The following GPC5 variants were observed in gnomAD, a reference collection of about 807,000 sequenced individuals.
The protein encoded by GPC5 is glypican 5, also known as glypican-5.
Under a neutral mutation model 53.9 loss-of-function variants are expected in GPC5, and 47 were observed. That is an observed-to-expected ratio of 0.87 (90% CI 0.69 to 1.11). The LOEUF (loss-of-function observed/expected upper bound fraction) is 1.11. Ranked by LOEUF, GPC5 falls within the 50% of genes most tolerant of loss-of-function variation. The pLI is 0.00. For missense variants in GPC5, 748 were observed against 713.1 expected, an observed-to-expected ratio of 1.05 and a Z score of -0.56; for synonymous variants, 286 against 263.3, an observed-to-expected ratio of 1.09 and a Z score of -0.84.
chr13:91,975,439 C>T (rs1323316308), intron 6 of GPC5, among the ~76,000 whole-genome samples: 2 of 152,086 alleles, frequency 1.3e-5, no homozygotes, highest in East Asian at 3.9e-4. Context: ...AAACAAACAA[C>T]CCCATCAAAA....
intron 7 of GPC5, among the ~76,000 whole-genome samples, chr13:92,559,665 G>A (rs548323782): frequency 6.6e-6 from 1 of 151,716 alleles, no homozygotes; most frequent in Admixed American, 6.6e-5. Context: ...ATTCAAACTA[G>A]CTAGTCCGAA....
chr13:92,602,813 C>T (rs943777926), intron 7 of GPC5, among the ~76,000 whole-genome samples: 2 of 152,052 alleles, frequency 1.3e-5, no homozygotes, highest in Non-Finnish European at 2.9e-5. Flanking sequence ...TAAAAAGACA[C>T]ACAAGACTCA....
At chr13:92,523,628 C>A (rs1433610513) in intron 7 of GPC5, among the ~76,000 whole-genome samples, 1 of 151,998 alleles carries the variant, frequency 6.6e-6, no homozygotes, top group Non-Finnish European at 1.5e-5. Context: ...TTAAATTAAT[C>A]TGTTTAACAT....
At chr13:92,549,699 C>T (rs957416590) in intron 7 of GPC5, among the ~76,000 whole-genome samples, 1 of 152,008 alleles carries the variant, frequency 6.6e-6, no homozygotes, top group Non-Finnish European at 1.5e-5. Flanking sequence ...CCATTTACAG[C>T]AGAGGAGAAA....
chr13:92,278,362 C>T (rs932870256), intron 7 of GPC5, among the ~76,000 whole-genome samples: 1 of 151,872 alleles, frequency 6.6e-6, no homozygotes, highest in Non-Finnish European at 1.5e-5. Context: ...TTAAAATATA[C>T]CTTACACTCA....
intron 6 of GPC5, among the ~76,000 whole-genome samples, chr13:91,939,265 A>C (rs1289668211): frequency 6.6e-6 from 1 of 152,154 alleles, no homozygotes; most frequent in Non-Finnish European, 1.5e-5. Context: ...TCTGATAGCA[A>C]ATTAAGAAAT....
chr13:92,633,221 TCTC>T (rs1274031755), intron 7 of GPC5, among the ~76,000 whole-genome samples: 4 of 152,104 alleles, frequency 2.6e-5, no homozygotes, highest in Non-Finnish European at 5.9e-5. Context: ...AACCATCAGA[TCTC>T]CTCATTCACT....
rs77874423 is a variant in GPC5, at chr13:91,626,282, A to G, written c.326-66905A>G. ...CAGCTTGACATATAAAGTCAATAAC[A>G]TATTTCTAAAATAGAGGCACTATTT... On this transcript the variant is annotated intron_variant, in intron 2 of 7. Transcript: ENST00000377067. Among the ~76,000 whole-genome samples, 1,251 of 152,260 alleles carry G rather than the reference A, an allele frequency of 8.2e-3. 16 individuals are homozygous for G. Among genetic ancestry groups the G allele is most frequent in the African/African-American group, 0.028 (1,177 of 41,544 alleles).
At chr13:91,883,325 T>C (rs1471445637) in intron 5 of GPC5, among the ~76,000 whole-genome samples, 3 of 152,206 alleles carry the variant, frequency 2.0e-5, no homozygotes, top group Non-Finnish European at 4.4e-5. Flanking sequence ...CAGATAGAAT[T>C]ACTTGTCATA....
At chr13:92,376,110 T>C (rs1018056264) in intron 7 of GPC5, among the ~76,000 whole-genome samples, 1 of 152,186 alleles carries the variant, frequency 6.6e-6, no homozygotes, top group Non-Finnish European at 1.5e-5. Context: ...TTTGAAATCA[T>C]CTGGTGCCAG....
intron 2 of GPC5, among the ~76,000 whole-genome samples, chr13:91,527,922 G>A (rs1050649849): frequency 1.3e-5 from 2 of 152,170 alleles, no homozygotes; most frequent in Admixed American, 6.5e-5. Flanking sequence ...GGGAGGCAGG[G>A]CACCATGTCC....
intron 7 of GPC5, among the ~76,000 whole-genome samples, chr13:92,158,039 A>AT (rs1242671358): frequency 2.0e-5 from 3 of 152,230 alleles, no homozygotes; most frequent in African/African-American, 7.2e-5. Flanking sequence ...TTATATGGGG[A>AT]TTTTCTTAAG....
At chr13:91,703,412 T>C (rs1472805445) in intron 3 of GPC5, among the ~76,000 whole-genome samples, 1 of 152,154 alleles carries the variant, frequency 6.6e-6, no homozygotes, top group Non-Finnish European at 1.5e-5. Context: ...CAAATGCTTT[T>C]TTGTGTGTGT....
At chr13:92,246,887 TTTAA>T (rs2042655054) in intron 7 of GPC5, among the ~76,000 whole-genome samples, 1 of 152,126 alleles carries the variant, frequency 6.6e-6, no homozygotes, top group African/African-American at 2.4e-5. Flanking sequence ...ACTTGAATCT[TTTAA>T]TTAACTATGT....
chr13:91,496,031 T>TAAA (rs1173050380), intron 2 of GPC5, among the ~76,000 whole-genome samples: 18 of 132,688 alleles, frequency 1.4e-4, no homozygotes, highest in African/African-American at 5.4e-4. Context: ...TCAAAAAAAA[T>TAAA]AAAAAATAAA....
At chr13:91,674,316 A>T (rs982998454) in intron 2 of GPC5, among the ~76,000 whole-genome samples, 1 of 151,750 alleles carries the variant, frequency 6.6e-6, no homozygotes, top group African/African-American at 2.4e-5. Flanking sequence ...ACCTCATCTA[A>T]TCCATTGAAG....
intron 7 of GPC5, among the ~76,000 whole-genome samples, chr13:92,819,621 A>G (rs1877607227): frequency 6.6e-6 from 1 of 152,134 alleles, no homozygotes; most frequent in African/African-American, 2.4e-5. Flanking sequence ...CACTTAAGTC[A>G]TATGTTTTTC....
At chr13:92,148,689 A>C (rs892636350) in intron 7 of GPC5, among the ~76,000 whole-genome samples, 3 of 152,090 alleles carry the variant, frequency 2.0e-5, no homozygotes, top group African/African-American at 7.2e-5. Context: ...TGAACTTAAA[A>C]GTCGCCTCAC....
rs551447688 is a variant in GPC5, at chr13:92,017,787, C to T, written c.1401+109730C>T. On this transcript the variant is annotated intron_variant, in intron 6 of 7. Transcript: ENST00000377067. ...ACACACACGTGCATGAGTACACACA[C>T]ACGCATGAGTACACACACGCATGAG... Among the ~76,000 whole-genome samples, 5 of 151,704 alleles carry T rather than the reference C, an allele frequency of 3.3e-5. No homozygotes were observed. In the South Asian group the frequency reaches 1.0e-3, roughly 32 times the overall value.
Sources: allele counts gnomAD v4.1 joint callset (sites outside exome capture counted in the v4.1 genomes callset), GRCh38; gene constraint gnomAD v4.1.1; transcripts MANE v1.5; gene names NCBI Gene and HGNC (gene_info 2026-07-23, HGNC 2026-07-21).